MAP2K4: variants seen among roughly 807,000 people sequenced by gnomAD.
MAP2K4 encodes dual specificity mitogen-activated protein kinase kinase 4.
Under a neutral mutation model 48.5 loss-of-function variants are expected in MAP2K4, and 4 were observed. The observed-to-expected ratio is 0.08, with a 90% CI of 0.04 to 0.19. The LOEUF is 0.19. MAP2K4 is among the 10% of genes least tolerant of loss of function. The pLI is 1.00. For missense variants in MAP2K4, 258 were observed against 493.3 expected (o/e 0.52, Z 4.52); for synonymous variants, 166 against 173.1 (o/e 0.96, Z 0.32).
intron 1 of MAP2K4, chr17:12,032,321 T>C: frequency 7.9e-7 from 1 of 1,261,326 alleles, no homozygotes; most frequent in Non-Finnish European, 1.0e-6. Flanking sequence ...TTTTATGATA[T>C]TATGCTATTT....
At chr17:12,066,136 C>CT (rs56698550) in intron 2 of MAP2K4, among the ~76,000 whole-genome samples, 2,357 of 101,860 alleles carry the variant, frequency 0.023, 24 homozygotes, top group East Asian at 0.075. Flanking sequence ...TTCTTTCTTT[C>CT]TTTTTTTTTT....
intron 1 of MAP2K4, among the ~76,000 whole-genome samples, chr17:12,053,514 GT>G (rs751022204): frequency 2.6e-4 from 39 of 147,316 alleles, no homozygotes; most frequent in Non-Finnish European, 5.6e-4. Flanking sequence ...TTTTTTTTTA[GT>G]TTTGTTTTTT....
At chr17:12,060,556 A>G (rs1970414909) in intron 2 of MAP2K4, among the ~76,000 whole-genome samples, 1 of 152,196 alleles carries the variant, frequency 6.6e-6, no homozygotes, top group African/African-American at 2.4e-5. Context: ...TCTAATCTAC[A>G]TGAATTTGGA....
chr17:12,087,349 C>G (rs1971402576), intron 3 of MAP2K4, among the ~76,000 whole-genome samples: 1 of 151,914 alleles, frequency 6.6e-6, no homozygotes, highest in African/African-American at 2.4e-5. Flanking sequence ...GTCTTCAGAC[C>G]CTTAAAAATT....
At chr17:12,114,479 G>A (rs1444913322) in intron 7 of MAP2K4, among the ~76,000 whole-genome samples, 2 of 151,926 alleles carry the variant, frequency 1.3e-5, no homozygotes, top group Non-Finnish European at 2.9e-5. Flanking sequence ...TTGACTGGCT[G>A]GGCAGATTTC....
intron 2 of MAP2K4, among the ~76,000 whole-genome samples, chr17:12,079,066 T>C (rs1971105068): frequency 6.6e-6 from 1 of 152,246 alleles, no homozygotes; most frequent in Non-Finnish European, 1.5e-5. Context: ...TCTCCTCTTT[T>C]AGCAGCTTTG....
Position 12,115,115 on chromosome 17 carries a change from C to T in MAP2K4, c.813+1755C>T, listed in dbSNP as rs553217656. Among the ~76,000 whole-genome samples, 5 of 152,256 alleles carry T rather than the reference C, an allele frequency of 3.3e-5. No homozygotes were observed. The East Asian group carries it at 9.7e-4, about 29-fold the overall frequency. On this transcript the variant is annotated intron_variant, in intron 7 of 10. Coordinates refer to ENST00000353533, the MANE Select transcript of MAP2K4 (RefSeq NM_003010.4). ...CATTTTATTTGAGATTTATAGTTGT[C>T]TTTAGTCTACAGGACTTAGGATTAC...
At chr17:12,111,681 A>C (rs1972310470) in intron 6 of MAP2K4, among the ~76,000 whole-genome samples, 1 of 152,214 alleles carries the variant, frequency 6.6e-6, no homozygotes, top group Non-Finnish European at 1.5e-5. Context: ...ATGAGTTTAT[A>C]GCCATCTTTT....
intron 3 of MAP2K4, among the ~76,000 whole-genome samples, chr17:12,093,511 T>A (rs150082785): frequency 6.8e-4 from 103 of 152,324 alleles, no homozygotes; most frequent in African/African-American, 2.3e-3. Flanking sequence ...TGCTTCCTAG[T>A]TGAAATATAA....
intron 3 of MAP2K4, among the ~76,000 whole-genome samples, chr17:12,087,035 C>T (rs1439793104): frequency 2.0e-5 from 3 of 151,832 alleles, no homozygotes; most frequent in Admixed American, 6.6e-5. Flanking sequence ...TTAGTAGAGG[C>T]GGGGTTTCAC....
chr17:12,070,101 C>A lies in MAP2K4; in HGVS notation c.219-11255C>A, dbSNP rs529869193. ...TGGGAAGAAATCAAGATCAGATGAT[C>A]GAGGTAGAAGAATGTGATAGTGAAA... On this transcript the variant is annotated intron_variant, in intron 2 of 10. Coordinates refer to ENST00000353533, the MANE Select transcript of MAP2K4 (RefSeq NM_003010.4). 2.5e-4 allele frequency among the ~76,000 whole-genome samples: 37 copies of A among 150,378 alleles called. No homozygotes were observed. The South Asian group carries it at 7.8e-3, about 32-fold the overall frequency.
intron 1 of MAP2K4, among the ~76,000 whole-genome samples, chr17:12,042,691 G>A (rs1234242252): frequency 1.3e-5 from 2 of 151,984 alleles, no homozygotes; most frequent in Non-Finnish European, 2.9e-5. Flanking sequence ...CGAAAAGAAG[G>A]AAGGTAGACT....
intron 1 of MAP2K4, among the ~76,000 whole-genome samples, chr17:12,038,888 C>G (rs1279455131): frequency 1.3e-5 from 2 of 152,132 alleles, no homozygotes; most frequent in Non-Finnish European, 2.9e-5. Flanking sequence ...TTCTTGAAAG[C>G]AGTTGGCGCT....
At chr17:12,079,918 T>G (rs964931587) in intron 2 of MAP2K4, among the ~76,000 whole-genome samples, 5 of 152,210 alleles carry the variant, frequency 3.3e-5, no homozygotes, top group Non-Finnish European at 7.3e-5. Flanking sequence ...TTTCCGGGCT[T>G]CTTGTGATTC....
At chr17:12,140,090 A>T (rs887815728) in intron 10 of MAP2K4, among the ~76,000 whole-genome samples, 1 of 152,232 alleles carries the variant, frequency 6.6e-6, no homozygotes, top group African/African-American at 2.4e-5. Flanking sequence ...CTAAATTCTC[A>T]TGGAAAATTT....
At chr17:12,086,446 A>G (rs62061006) in intron 3 of MAP2K4, among the ~76,000 whole-genome samples, 8,976 of 152,230 alleles carry the variant, frequency 0.059, 371 homozygotes, top group Non-Finnish European at 0.09. Flanking sequence ...TTCCCAGTAT[A>G]CATGTGTGCT....
intron 2 of MAP2K4, among the ~76,000 whole-genome samples, chr17:12,078,144 G>A (rs1971073342): frequency 1.3e-5 from 2 of 152,210 alleles, no homozygotes; most frequent in Non-Finnish European, 2.9e-5. Flanking sequence ...TTAGCTGGGT[G>A]CATTGCTGCC....
At chr17:12,128,269 G>A (rs545918688) in intron 8 of MAP2K4, among the ~76,000 whole-genome samples, 57 of 152,190 alleles carry the variant, frequency 3.7e-4, no homozygotes, top group African/African-American at 1.3e-3. Flanking sequence ...AGTAGAGATG[G>A]GGTTTCACCG....
intron 4 of MAP2K4, among the ~76,000 whole-genome samples, chr17:12,097,571 T>C (rs1267303206): frequency 6.6e-6 from 1 of 152,230 alleles, no homozygotes; most frequent in African/African-American, 2.4e-5. Flanking sequence ...TCACATTTGG[T>C]TTTATGTCTC....
Sources: allele counts gnomAD v4.1 joint callset (sites outside exome capture counted in the v4.1 genomes callset), GRCh38; gene constraint gnomAD v4.1.1; transcripts MANE v1.5; gene names NCBI Gene and HGNC (gene_info 2026-07-23, HGNC 2026-07-21).